Variants in MACROD2 observed in about 807,000 individuals in gnomAD.
The protein encoded by MACROD2 is mono-ADP ribosylhydrolase 2.
In MACROD2, 36 loss-of-function variants were observed where a neutral mutation model predicts 70.4. That is an observed-to-expected ratio of 0.51 (90% CI 0.39 to 0.68). MACROD2 has a LOEUF of 0.68. MACROD2 is among the 30% of genes least tolerant of loss of function. The pLI is 0.00. For synonymous variants in MACROD2, 172 were observed against 178.8 expected (o/e 0.96, Z 0.30); for missense variants, 496 against 538.4 (o/e 0.92, Z 0.78).
At chr20:15,793,330 A>G (rs1209421567) in intron 8 of MACROD2, among the ~76,000 whole-genome samples, 1 of 152,160 alleles carries the variant, frequency 6.6e-6, no homozygotes, top group African/African-American at 2.4e-5. Context: ...TTGTATTTCT[A>G]ACAGTTTCCC....
intron 15 of MACROD2, among the ~76,000 whole-genome samples, chr20:15,988,312 C>G (rs1017652114): frequency 1.3e-5 from 2 of 152,086 alleles, no homozygotes; most frequent in Admixed American, 6.5e-5. Flanking sequence ...TGAAACAACC[C>G]TTACTCAGAA....
At chr20:15,565,404 C>T (rs2048297110) in intron 8 of MACROD2, among the ~76,000 whole-genome samples, 1 of 152,158 alleles carries the variant, frequency 6.6e-6, no homozygotes, top group African/African-American at 2.4e-5. Context: ...GATTACTTCA[C>T]AGAATTTTCT....
chr20:15,543,026 T>C (rs1458933888), intron 8 of MACROD2, among the ~76,000 whole-genome samples: 1 of 152,206 alleles, frequency 6.6e-6, no homozygotes, highest in African/African-American at 2.4e-5. Context: ...CAGCAAATTA[T>C]GATAAAAAGG....
intron 5 of MACROD2, among the ~76,000 whole-genome samples, chr20:15,122,958 TATC>T (rs1377373728): frequency 1.3e-5 from 2 of 152,194 alleles, no homozygotes; most frequent in East Asian, 1.9e-4. Context: ...GAGTAGGTAA[TATC>T]ATGTTTATGG....
intron 5 of MACROD2, among the ~76,000 whole-genome samples, chr20:14,967,493 T>G (rs933879764): frequency 7.2e-5 from 11 of 152,196 alleles, no homozygotes; most frequent in African/African-American, 2.2e-4. Flanking sequence ...TTGTTTTTGT[T>G]TTTTTTGAAT....
At chr20:14,834,217 A>G (rs1327074901) in intron 5 of MACROD2, among the ~76,000 whole-genome samples, 1 of 151,348 alleles carries the variant, frequency 6.6e-6, no homozygotes, top group East Asian at 1.9e-4. Flanking sequence ...TTAAGAAGAA[A>G]TGCCAATTTG....
At chr20:15,285,571 T>C (rs193120802) in intron 6 of MACROD2, among the ~76,000 whole-genome samples, 22 of 152,326 alleles carry the variant, frequency 1.4e-4, no homozygotes, top group Admixed American at 6.5e-4. Context: ...TGAATTTTGC[T>C]GGTCTGTTTG....
chr20:15,341,358 AAAT>A (rs2078108438), intron 6 of MACROD2, among the ~76,000 whole-genome samples: 1 of 152,180 alleles, frequency 6.6e-6, no homozygotes, highest in African/African-American at 2.4e-5. Flanking sequence ...CTTATTAACA[AAAT>A]AATATTATAG....
At chr20:14,106,207 A>G (rs1374568232) in intron 3 of MACROD2, among the ~76,000 whole-genome samples, 1 of 152,146 alleles carries the variant, frequency 6.6e-6, no homozygotes, top group Non-Finnish European at 1.5e-5. Flanking sequence ...AGCATTCACC[A>G]CAAGCTGACT....
intron 4 of MACROD2, among the ~76,000 whole-genome samples, chr20:14,549,995 C>G (rs977039370): frequency 6.6e-6 from 1 of 150,532 alleles, no homozygotes; most frequent in African/African-American, 2.4e-5. Context: ...GTGGTGCCAT[C>G]TTGGCTCACT....
intron 8 of MACROD2, among the ~76,000 whole-genome samples, chr20:15,694,433 T>C (rs547870648): frequency 1.3e-5 from 2 of 152,228 alleles, no homozygotes; most frequent in Non-Finnish European, 2.9e-5. Context: ...TGGTATCACA[T>C]TGTGGTTTTG....
At chr20:15,774,557 A>G (rs1013624504) in intron 8 of MACROD2, among the ~76,000 whole-genome samples, 1 of 152,066 alleles carries the variant, frequency 6.6e-6, no homozygotes, top group Non-Finnish European at 1.5e-5. Context: ...CTTCATGCTG[A>G]GTGTGAAAGA....
At chr20:14,600,524 C>T (rs1434000661) in intron 4 of MACROD2, among the ~76,000 whole-genome samples, 1 of 152,024 alleles carries the variant, frequency 6.6e-6, no homozygotes, top group East Asian at 1.9e-4. Context: ...TTATTGGGCT[C>T]TTACTCTGTG....
Position 15,462,974 on chromosome 20 carries a change from G to A in MACROD2, c.571+31539G>A, listed in dbSNP as rs148023640. On this transcript the variant is annotated intron_variant, in intron 7 of 17. Coordinates refer to ENST00000684519, the MANE Select transcript of MACROD2 (RefSeq NM_001351661.2). ...AAAAGGCAACTATGAATTTGGTAAC[G>A]TTTAAAAAGTTATTTGCATTTTATT... 3.1e-4 allele frequency among the ~76,000 whole-genome samples: 47 copies of A among 152,268 alleles called. No individual in the cohort carries two copies. In the East Asian group the frequency reaches 8.3e-3, roughly 27 times the overall value.
chr20:14,838,974 A>G (rs1338804363), intron 5 of MACROD2, among the ~76,000 whole-genome samples: 1 of 152,082 alleles, frequency 6.6e-6, no homozygotes, highest in Non-Finnish European at 1.5e-5. Context: ...TGGCAGTAAT[A>G]GAAGCCATAT....
At chr20:14,154,523 C>T (rs1258272811) in intron 3 of MACROD2, among the ~76,000 whole-genome samples, 1 of 148,390 alleles carries the variant, frequency 6.7e-6, no homozygotes, top group Non-Finnish European at 1.5e-5. Context: ...GTAGCTGGGA[C>T]GACAGGCTCC....
At chr20:14,991,096 G>A (rs1159848537) in intron 5 of MACROD2, among the ~76,000 whole-genome samples, 1 of 152,010 alleles carries the variant, frequency 6.6e-6, no homozygotes, top group African/African-American at 2.4e-5. Flanking sequence ...AGCTTGCTGG[G>A]CCTGCTGCTG....
rs565977977 is a variant in MACROD2, at chr20:15,715,218, T to C, written c.646-147527T>C. ...TTCACTTTGGATTATCTTCATTTTT[T>C]AGTGTGATTAAAAAAAAATCTGGCT... is the stretch of plus-strand genomic sequence containing the variant. On this transcript the variant is annotated intron_variant, in intron 8 of 17. Transcript: ENST00000684519. Among the ~76,000 whole-genome samples, 214 of 150,660 alleles carry C rather than the reference T, an allele frequency of 1.4e-3. 2 individuals are homozygous for C. The highest frequency in any genetic ancestry group is 4.9e-3 in the African/African-American group (203 of 41,536).
intron 7 of MACROD2, among the ~76,000 whole-genome samples, chr20:15,495,146 C>T (rs2047281154): frequency 1.3e-5 from 2 of 152,188 alleles, no homozygotes; most frequent in African/African-American, 2.4e-5. Flanking sequence ...ACAAAAGTCC[C>T]CTGGTGACCA....
Sources: gnomAD v4.1 joint callset for allele counts (sites outside exome capture counted in the v4.1 genomes callset) on GRCh38, gnomAD v4.1.1 for gene constraint, MANE v1.5 for transcripts, NCBI Gene and HGNC (gene_info 2026-07-23, HGNC 2026-07-21) for gene names.